ZNF322: variants seen among roughly 807,000 people sequenced by gnomAD.
ZNF322 encodes the protein zinc finger protein 322.
A neutral mutation model predicts 18.3 loss-of-function variants in ZNF322; 1 was observed. That is an observed-to-expected ratio of 0.05 (90% CI 0.02 to 0.26). The LOEUF (loss-of-function observed/expected upper bound fraction) is 0.26, where lower values mean the gene tolerates loss of function less well. ZNF322 is among the 10% of genes least tolerant of loss of function. The pLI, the probability that ZNF322 is intolerant of heterozygous loss-of-function variation, is 1.00. For synonymous variants in ZNF322, 17 were observed against 130.7 expected (o/e 0.13, Z 5.93); for missense variants, 36 against 403.6 (o/e 0.09, Z 7.80).
intron 2 of ZNF322, among the ~76,000 whole-genome samples, chr6:26,655,609 T>C (rs555131252): frequency 2.0e-5 from 3 of 152,212 alleles, no homozygotes; most frequent in Non-Finnish European, 4.4e-5. Flanking sequence ...TATATGTGTA[T>C]TGCTATGCTT....
At chr6:26,657,768 C>G (rs1275266541) in intron 2 of ZNF322, among the ~76,000 whole-genome samples, 3 of 152,050 alleles carry the variant, frequency 2.0e-5, no homozygotes, top group African/African-American at 7.2e-5. Flanking sequence ...AGCTGTATAA[C>G]AGACTAGACC....
intron 2 of ZNF322, among the ~76,000 whole-genome samples, chr6:26,652,211 A>T (rs548374013): frequency 7.2e-5 from 11 of 152,360 alleles, no homozygotes; most frequent in Admixed American, 2.0e-4. Flanking sequence ...TAAAATTAAA[A>T]ATGTCTGCTC....
rs1765319777 is a variant in ZNF322 at position 26,634,424 on chromosome 6, A to T, written c.*2921T>A. ...AAATGTTTATTTAATAATTAAGGGC[A>T]AACAAAAACATTAAAGCATAGGAAT... On this transcript the variant is annotated 3_prime_UTR_variant, in exon 4 of 4. Transcript: ENST00000415922. The T allele has an allele frequency of 6.6e-6, 1 of 151,968 alleles. No individual in the cohort carries two copies. Among genetic ancestry groups the T allele is most frequent in the East Asian group, 1.9e-4 (1 of 5,184 alleles). The allele number at this position is 151,968 out of a possible 1,614,324, so 9.4% of individuals were successfully genotyped here. A position where few individuals can be genotyped will look rare whatever the true frequency, so the allele number is the denominator to read the frequency against.
At chr6:26,650,140 G>A (rs781852201) in intron 2 of ZNF322, among the ~76,000 whole-genome samples, 1 of 151,950 alleles carries the variant, frequency 6.6e-6, no homozygotes, top group Non-Finnish European at 1.5e-5. Flanking sequence ...GAGGGAAAAC[G>A]ACAAACATCT....
At chr6:26,650,751 G>T (rs997134514) in intron 2 of ZNF322, among the ~76,000 whole-genome samples, 19 of 152,112 alleles carry the variant, frequency 1.2e-4, no homozygotes, top group African/African-American at 4.6e-4. Context: ...CATAATTTAT[G>T]CAAAGAAAAT....
rs1765367541 is a variant in ZNF322 at position 26,637,132 on chromosome 6, CTCTGGGCA to C, written c.*205_*212del. 1 of 427,112 alleles carries C rather than the reference CTCTGGGCA, an allele frequency of 2.3e-6. No homozygotes were observed. Among genetic ancestry groups the C allele is most frequent in the Non-Finnish European group, 4.2e-6 (1 of 235,376 alleles). The allele number at this position is 427,112 out of a possible 1,614,324, so 26.5% of individuals were successfully genotyped here. ...AGCTCAGACGGTAAGTTTTCAAAAC[CTCTGGGCA>C]TCTGTAGATTTCTCGTTGGAGTGAG... On this transcript the variant is annotated 3_prime_UTR_variant, in exon 4 of 4. Transcript: ENST00000415922.
chr6:26,655,876 G>A (rs1447356009), intron 2 of ZNF322, among the ~76,000 whole-genome samples: 2 of 152,052 alleles, frequency 1.3e-5, no homozygotes, highest in Non-Finnish European at 2.9e-5. Context: ...GCCAGCCCCC[G>A]TCTTGGACTT....
At chr6:26,657,957 C>A (rs1412211186) in intron 2 of ZNF322, among the ~76,000 whole-genome samples, 1 of 152,002 alleles carries the variant, frequency 6.6e-6, no homozygotes, top group Non-Finnish European at 1.5e-5. Flanking sequence ...AGCAGACAGG[C>A]TAATTCATAC....
At chr6:26,641,960 TTGAGA>T (rs1224191694) in intron 3 of ZNF322, among the ~76,000 whole-genome samples, 1 of 151,642 alleles carries the variant, frequency 6.6e-6, no homozygotes, top group African/African-American at 2.4e-5. Flanking sequence ...CTCTTTGCAG[TTGAGA>T]TAAGAGGAAG....
chr6:26,641,867 G>A (rs958133754), intron 3 of ZNF322, among the ~76,000 whole-genome samples: 4 of 152,114 alleles, frequency 2.6e-5, no homozygotes, highest in Admixed American at 6.5e-5. Context: ...ATATGGCCTC[G>A]TGGGAAGGGA....
chr6:26,653,875 TA>T (rs1371753847), intron 2 of ZNF322, among the ~76,000 whole-genome samples: 4 of 152,014 alleles, frequency 2.6e-5, no homozygotes, highest in African/African-American at 9.7e-5. Flanking sequence ...ATGAATGAAC[TA>T]ATGAACTAAA....
Position 26,654,221 on chromosome 6 carries a change from A to G in ZNF322, c.-246+4337T>C, listed in dbSNP as rs186067167. On this transcript the variant is annotated intron_variant, in intron 2 of 3. Transcript: ENST00000415922. Reference sequence around the variant, plus strand: ...TTTAACTGGAATTAGAAGTACCAGTATAAGTCAAGATTTTAAGGTTTATAT... The same window carrying G: ...TTTAACTGGAATTAGAAGTACCAGTGTAAGTCAAGATTTTAAGGTTTATAT... Among the ~76,000 whole-genome samples, 17 of 152,360 alleles carry G rather than the reference A, an allele frequency of 1.1e-4. No individual in the cohort carries two copies. The East Asian group carries it at 2.9e-3, about 26-fold the overall frequency.
chr6:26,650,504 T>C (rs1765648998), intron 2 of ZNF322: 2 of 152,182 alleles, frequency 1.3e-5, no homozygotes, highest in Admixed American at 1.3e-4. Flanking sequence ...AATAAAACTG[T>C]CTTTGTAAGT....
At chr6:26,656,347 C>T (rs1475629523) in intron 2 of ZNF322, among the ~76,000 whole-genome samples, 2 of 152,168 alleles carry the variant, frequency 1.3e-5, no homozygotes, top group Non-Finnish European at 2.9e-5. Context: ...CGGTACTAAG[C>T]TCAATGCCTA....
intron 3 of ZNF322, among the ~76,000 whole-genome samples, chr6:26,642,337 G>A (rs1454972742): frequency 6.6e-6 from 1 of 152,158 alleles, no homozygotes; most frequent in Non-Finnish European, 1.5e-5. Context: ...TGCTGGTGCA[G>A]GTCCTCACTT....
intron 2 of ZNF322, among the ~76,000 whole-genome samples, chr6:26,654,999 T>C (rs1410124729): frequency 2.6e-5 from 4 of 152,172 alleles, no homozygotes; most frequent in Admixed American, 2.6e-4. Context: ...ACATCACTTC[T>C]GCGGTATCTT....
intron 2 of ZNF322, among the ~76,000 whole-genome samples, chr6:26,644,315 T>C (rs1450264660): frequency 6.6e-6 from 1 of 152,186 alleles, no homozygotes; most frequent in African/African-American, 2.4e-5. Flanking sequence ...ATCCTTAGGT[T>C]AATGGGACTT....
At chr6:26,657,155 C>G (rs1554149775) in intron 2 of ZNF322, among the ~76,000 whole-genome samples, 1 of 151,374 alleles carries the variant, frequency 6.6e-6, no homozygotes, top group Non-Finnish European at 1.5e-5. Context: ...AAGGCTGAGG[C>G]AGAAGAATGG....
At chr6:26,654,115 G>C (rs555819321) in intron 2 of ZNF322, among the ~76,000 whole-genome samples, 109 of 152,198 alleles carry the variant, frequency 7.2e-4, no homozygotes, top group African/African-American at 2.6e-3. Context: ...ATATACTATG[G>C]ATAATGTCAC....
Sources: gnomAD v4.1 joint callset for allele counts (sites outside exome capture counted in the v4.1 genomes callset) on GRCh38, gnomAD v4.1.1 for gene constraint, MANE v1.5 for transcripts, NCBI Gene and HGNC (gene_info 2026-07-23, HGNC 2026-07-21) for gene names.